Variants in DCHS2 observed in about 807,000 individuals in gnomAD.
DCHS2 encodes dachsous cadherin-related 2, also known as protocadherin-23.
A neutral mutation model predicts 182.4 loss-of-function variants in DCHS2; 142 were observed. The ratio of observed to expected loss-of-function variants is 0.78; its 90% CI spans 0.68 to 0.89. DCHS2 has a LOEUF of 0.89. DCHS2 is among the 40% of genes least tolerant of loss of function. DCHS2 has a pLI of 0.00. For missense variants in DCHS2, 4,319 were observed against 4,198.6 expected (o/e 1.03, Z -0.79); for synonymous variants, 1,740 against 1,663.3 (o/e 1.05, Z -1.12).
intron 3 of DCHS2, among the ~76,000 whole-genome samples, chr4:154,363,424 C>A (rs765015285): frequency 6.6e-6 from 1 of 152,048 alleles, no homozygotes; most frequent in Non-Finnish European, 1.5e-5. Context: ...AATGGATGAA[C>A]CTCAAGAACA....
chr4:154,352,319 C>T (rs1729658924), intron 3 of DCHS2: 1 of 152,146 alleles, frequency 6.6e-6, no homozygotes, highest in South Asian at 2.1e-4. Context: ...CTTGCTTTAT[C>T]CTCATTCTCT....
intron 1 of DCHS2, among the ~76,000 whole-genome samples, chr4:154,399,916 C>T (rs1256519211): frequency 6.6e-6 from 1 of 152,134 alleles, no homozygotes; most frequent in Non-Finnish European, 1.5e-5. Flanking sequence ...GGGCATAAAT[C>T]CATAGGGCAT....
At position 154,237,101 on chromosome 4, in the gene DCHS2, A is replaced by G. The variant is rs780013761; in HGVS notation, c.7551T>C (p.Phe2517=). The part of the protein sequence containing the change: ...LLLDTISTTQ[F]LVEASDGGNP... ...TTCCACCATCACTGGCTTCCACAAG[A>G]AATTGAGTTGTTGATATTGTATCCA... is the stretch of plus-strand genomic sequence containing the variant. Residue 2517 remains phenylalanine, a synonymous_variant, in exon 20 of 20, where the codon TTT becomes TTC. Transcript: ENST00000357232. 8.7e-6 allele frequency: 14 copies of G among 1,613,476 alleles called. No homozygotes were observed. Among genetic ancestry groups the G allele is most frequent in the Non-Finnish European group, 1.2e-5 (14 of 1,179,884 alleles).
chr4:154,395,975 G>T (rs1731913135), intron 1 of DCHS2, among the ~76,000 whole-genome samples: 1 of 152,208 alleles, frequency 6.6e-6, no homozygotes. Flanking sequence ...TTCAAGGGAA[G>T]AGTTCTTATT....
At chr4:154,454,729 A>C (rs1734695013) in intron 1 of DCHS2, among the ~76,000 whole-genome samples, 1 of 152,116 alleles carries the variant, frequency 6.6e-6, no homozygotes, top group Non-Finnish European at 1.5e-5. Flanking sequence ...AGTCCACAAA[A>C]TGTTCCCTCC....
Position 154,320,662 on chromosome 4 carries a change from G to C in DCHS2, c.4737C>G (p.Ser1579Arg). ...LVTVSRLDRE[S>R]IPTVILTVTA... ...TTACTGTCAGGATGACAGTTGGAAT[G>C]CTTTCTCTGTCAAGACGGGACACAG... is the stretch of plus-strand genomic sequence containing the variant. The change falls in exon 9 of 20, where the codon AGC becomes AGG. Residue 1579 changes from serine to arginine, a missense_variant. Ser to Arg is a moderately radical substitution (Grantham distance 110, BLOSUM62 -1). Coordinates refer to ENST00000357232, the MANE Select transcript of DCHS2 (RefSeq NM_001358235.2). The C allele has an allele frequency of 1.2e-6, 2 of 1,614,124 alleles. No individual in the cohort carries two copies. Among genetic ancestry groups the C allele is most frequent in the Non-Finnish European group, 1.7e-6 (2 of 1,180,024 alleles).
intron 10 of DCHS2, 111 bp downstream of exon 10, chr4:154,315,637 T>C: frequency 1.4e-6 from 2 of 1,467,602 alleles, no homozygotes; most frequent in Admixed American, 2.4e-5. Flanking sequence ...AAATTTGAGA[T>C]AACTAGCAAC....
chr4:154,385,470 C>T (rs934823116), intron 1 of DCHS2, among the ~76,000 whole-genome samples: 1 of 152,020 alleles, frequency 6.6e-6, no homozygotes, highest in African/African-American at 2.4e-5. Context: ...AATGGCTTTT[C>T]TAGTTCTAGA....
intron 13 of DCHS2, among the ~76,000 whole-genome samples, chr4:154,285,266 A>C (rs574228943): frequency 6.6e-6 from 1 of 152,282 alleles, no homozygotes; most frequent in South Asian, 2.1e-4. Context: ...CGAGACTCAG[A>C]GATGTGCTGG....
chr4:154,294,804 A>G (rs1734848873), intron 13 of DCHS2, among the ~76,000 whole-genome samples: 1 of 152,220 alleles, frequency 6.6e-6, no homozygotes, highest in Non-Finnish European at 1.5e-5. Flanking sequence ...CAGGCAGTCA[A>G]TGAAGGCATC....
At chr4:154,344,337 A>G (rs77086767) in intron 3 of DCHS2, among the ~76,000 whole-genome samples, 1 of 152,246 alleles carries the variant, frequency 6.6e-6, no homozygotes, top group African/African-American at 2.4e-5. Flanking sequence ...TGTAAAAAGC[A>G]CACTATCTGT....
chr4:154,489,223 T>C, intron 1 of DCHS2, 81 bp downstream of exon 1: 1 of 1,184,248 alleles, frequency 8.4e-7, no homozygotes, highest in Non-Finnish European at 1.2e-6. Context: ...ATCCTCCACA[T>C]CACAATTTCC....
intron 1 of DCHS2, among the ~76,000 whole-genome samples, chr4:154,379,752 C>T (rs1289003218): frequency 2.0e-5 from 3 of 152,140 alleles, no homozygotes; most frequent in Non-Finnish European, 4.4e-5. Flanking sequence ...AACTTAATTA[C>T]AGTACTTCCC....
rs567862519 is a variant in DCHS2, at chr4:154,366,144, T to C, written c.2476+66A>G. Reference sequence around the variant, plus strand: ...AAAAAAGTCACTTTTTCTAATTTTCTGGCTGTTAAGTAGTTAAGCAGAAAC... The same window carrying C: ...AAAAAAGTCACTTTTTCTAATTTTCCGGCTGTTAAGTAGTTAAGCAGAAAC... On this transcript the variant is annotated intron_variant, in intron 3 of 19. Coordinates refer to ENST00000357232, the MANE Select transcript of DCHS2 (RefSeq NM_001358235.2). The C allele has an allele frequency of 9.6e-5, 126 of 1,308,614 alleles. 1 individual carries two copies. The Middle Eastern group carries it at 2.0e-3, about 20-fold the overall frequency. The allele number at this position is 1,308,614 out of a possible 1,614,324, so 81.1% of individuals were successfully genotyped here.
chr4:154,301,928 T>C (rs1400851448), intron 12 of DCHS2, among the ~76,000 whole-genome samples: 3 of 152,244 alleles, frequency 2.0e-5, no homozygotes, highest in Non-Finnish European at 2.9e-5. Flanking sequence ...ATGTTATTAT[T>C]GGTCAAAATT....
intron 14 of DCHS2, among the ~76,000 whole-genome samples, chr4:154,268,554 C>T (rs1733413392): frequency 6.6e-6 from 1 of 152,152 alleles, no homozygotes; most frequent in Non-Finnish European, 1.5e-5. Flanking sequence ...TGGACCTTCC[C>T]ATTTAACATT....
At chr4:154,417,194 TGTGTGTGTGTGAGAGAGAGA>T (rs1212418143) in intron 1 of DCHS2, among the ~76,000 whole-genome samples, 3,162 of 91,554 alleles carry the variant, frequency 0.035, 94 homozygotes, top group Non-Finnish European at 0.051. Flanking sequence ...TGTGTGTGTG[TGTGTGTGTGTGAGAGAGAGA>T]GAGAGAGAGA....
intron 1 of DCHS2, among the ~76,000 whole-genome samples, chr4:154,434,975 G>A (rs6856249): frequency 0.51 from 77,511 of 151,902 alleles, 20,919 homozygotes; most frequent in Middle Eastern, 0.67. Context: ...TAAAGGTAAC[G>A]TGGTGTCCTG....
At position 154,442,335 on chromosome 4, in the gene DCHS2, C is replaced by A. The variant is rs370003626; in HGVS notation, c.2052+46969G>T. 7.9e-5 allele frequency among the ~76,000 whole-genome samples: 12 copies of A among 152,204 alleles called. No homozygotes were observed. In the East Asian group the frequency reaches 2.3e-3, roughly 29 times the overall value. On this transcript the variant is annotated intron_variant, in intron 1 of 19. Coordinates refer to ENST00000357232, the MANE Select transcript of DCHS2 (RefSeq NM_001358235.2). ...CAATTCCCATAAAAATGTAGAGTCT[C>A]AATCCCTAGACTCTCTTACCCTACA...
Sources: allele counts gnomAD v4.1 joint callset (sites outside exome capture counted in the v4.1 genomes callset), GRCh38; gene constraint gnomAD v4.1.1; transcripts MANE v1.5; gene names NCBI Gene and HGNC (gene_info 2026-07-23, HGNC 2026-07-21).